The following SLC38A1 variants were observed in gnomAD, a reference collection of about 807,000 sequenced individuals.
SLC38A1 encodes solute carrier family 38 member 1.
SLC38A1 carries 18 observed loss-of-function variants against 60.3 expected under a neutral mutation model. The ratio of observed to expected loss-of-function variants is 0.30; its 90% CI spans 0.21 to 0.44. The LOEUF (loss-of-function observed/expected upper bound fraction) is 0.44, where lower values mean the gene tolerates loss of function less well. Ranked by LOEUF, SLC38A1 falls within the 20% of genes least tolerant of loss-of-function variation. SLC38A1 has a pLI of 1.00. For missense variants in SLC38A1, 448 were observed against 587.2 expected (o/e 0.76, Z 2.45); for synonymous variants, 196 against 212.1 (o/e 0.92, Z 0.66).
chr12:46,210,286 G>A (rs1291180239), intron 5 of SLC38A1, among the ~76,000 whole-genome samples: 1 of 152,162 alleles, frequency 6.6e-6, no homozygotes, highest in Admixed American at 6.5e-5. Flanking sequence ...GCAACCATGA[G>A]GAGATAAACC....
chr12:46,203,802 T>G (rs1939769406), intron 11 of SLC38A1, among the ~76,000 whole-genome samples: 1 of 152,186 alleles, frequency 6.6e-6, no homozygotes, highest in African/African-American at 2.4e-5. Flanking sequence ...GAATACTTAT[T>G]TTTACTCAAG....
chr12:46,214,306 G>A (rs1298295295), intron 5 of SLC38A1, among the ~76,000 whole-genome samples: 1 of 152,152 alleles, frequency 6.6e-6, no homozygotes, highest in African/African-American at 2.4e-5. Context: ...TGTCACAGTG[G>A]TCCTAGATAT....
At chr12:46,198,448 A>G (rs1320133576) in intron 14 of SLC38A1, among the ~76,000 whole-genome samples, 177 bp downstream of exon 14, 2 of 152,226 alleles carry the variant, frequency 1.3e-5, no homozygotes, top group East Asian at 3.8e-4. Flanking sequence ...TCCCTGACGC[A>G]CTGAATGCCA....
In SLC38A1 at chr12:46,206,927, C is replaced by T. The variant is rs534563936; in HGVS notation, c.563+228G>A. ...GCTCTGGGGAAAATGCAGTATCTAC[C>T]GCTCATAGCATGACAGACAAATCTA... On this transcript the variant is annotated intron_variant, in intron 8 of 16. Coordinates refer to ENST00000398637, the MANE Select transcript of SLC38A1 (RefSeq NM_030674.4). 1.8e-4 allele frequency among the ~76,000 whole-genome samples: 27 copies of T among 152,240 alleles called. No homozygotes were observed. The South Asian group carries it at 3.9e-3, about 22-fold the overall frequency.
intron 6 of SLC38A1, 124 bp downstream of exon 6, chr12:46,208,930 G>A: frequency 1.4e-6 from 1 of 704,712 alleles, no homozygotes; most frequent in Non-Finnish European, 2.4e-6. Context: ...AATCACTCTA[G>A]GTCAAAATAG....
At chr12:46,238,151 G>A (rs1045235566) in intron 3 of SLC38A1, among the ~76,000 whole-genome samples, 2 of 151,686 alleles carry the variant, frequency 1.3e-5, no homozygotes, top group Non-Finnish European at 2.9e-5. Context: ...ATATGTGGTA[G>A]CTTATGTAAA....
chr12:46,236,066 T>G (rs1310852645), intron 3 of SLC38A1, among the ~76,000 whole-genome samples: 1 of 152,226 alleles, frequency 6.6e-6, no homozygotes, highest in Non-Finnish European at 1.5e-5. Context: ...TTTCTCATAC[T>G]AAGAGGCTTA....
At chr12:46,215,728 C>T (rs1197510778) in intron 5 of SLC38A1, among the ~76,000 whole-genome samples, 1 of 152,180 alleles carries the variant, frequency 6.6e-6, no homozygotes. Flanking sequence ...CCATGTTTCA[C>T]TCCTTCCAAA....
chr12:46,256,443 G>C (rs1942024911), intron 1 of SLC38A1, among the ~76,000 whole-genome samples: 1 of 151,762 alleles, frequency 6.6e-6, no homozygotes, highest in African/African-American at 2.4e-5. Context: ...TAAATACATA[G>C]ACAAACAGAA....
At chr12:46,205,759 C>T (rs959703426) in intron 9 of SLC38A1, among the ~76,000 whole-genome samples, 9 of 152,178 alleles carry the variant, frequency 5.9e-5, no homozygotes, top group Admixed American at 2.0e-4. Context: ...TTTAAGACTT[C>T]GTATGAAGAG....
rs762810646 is a variant in SLC38A1, at chr12:46,214,672, A to AAAAC, written c.315-5549_315-5546dup. Among the ~76,000 whole-genome samples the AAAAC allele has an allele frequency of 3.3e-5, 5 of 152,356 alleles. 1 individual carries two copies. The highest frequency in any genetic ancestry group is 2.6e-4 in the Admixed American group (4 of 15,310). ...TTTTATTGTATATAAAGTATACCCCAAAACAAACAAACAAAAAAACAACCA... is the reference window on the plus strand; with the variant it reads ...TTTTATTGTATATAAAGTATACCCCAAAACAAACAAACAAACAAAAAAACAACCA... On this transcript the variant is annotated intron_variant, in intron 5 of 16. Coordinates refer to ENST00000398637, the MANE Select transcript of SLC38A1 (RefSeq NM_030674.4).
At chr12:46,215,343 G>T (rs1047054496) in intron 5 of SLC38A1, among the ~76,000 whole-genome samples, 1 of 152,144 alleles carries the variant, frequency 6.6e-6, no homozygotes, top group African/African-American at 2.4e-5. Context: ...TCATTGCTGT[G>T]GGATGCTGAC....
At chr12:46,250,591 T>A (rs1255632156) in intron 1 of SLC38A1, among the ~76,000 whole-genome samples, 2 of 152,122 alleles carry the variant, frequency 1.3e-5, no homozygotes, top group Admixed American at 6.6e-5. Context: ...AGAAAACCCC[T>A]TCATCTTAGC....
chr12:46,255,089 T>C (rs1393648249), intron 1 of SLC38A1, among the ~76,000 whole-genome samples: 1 of 152,270 alleles, frequency 6.6e-6, no homozygotes, highest in Non-Finnish European at 1.5e-5. Flanking sequence ...TTTTCTTCTA[T>C]TCTAATGTCA....
chr12:46,192,272 A>C (rs749575702), intron 16 of SLC38A1, among the ~76,000 whole-genome samples: 12 of 152,248 alleles, frequency 7.9e-5, no homozygotes, highest in Non-Finnish European at 1.6e-4. Context: ...CTTGCATCCC[A>C]GGGATGAAGC....
At chr12:46,208,592 C>A (rs1307734826) in intron 6 of SLC38A1, among the ~76,000 whole-genome samples, 3 of 152,150 alleles carry the variant, frequency 2.0e-5, no homozygotes, top group Non-Finnish European at 4.4e-5. Context: ...TTACACTGCC[C>A]AGAGTACTTG....
chr12:46,211,085 A>G (rs946382110), intron 5 of SLC38A1, among the ~76,000 whole-genome samples: 1 of 152,202 alleles, frequency 6.6e-6, no homozygotes, highest in Admixed American at 6.5e-5. Context: ...AAGTAAGATA[A>G]GCAATATTTA....
chr12:46,224,999 G>A (rs1409969917), intron 5 of SLC38A1, among the ~76,000 whole-genome samples: 2 of 152,092 alleles, frequency 1.3e-5, no homozygotes, highest in African/African-American at 4.8e-5. Context: ...TTGAATTCTA[G>A]GAATAGTAGA....
chr12:46,265,806 C>T (rs1051119090), intron 1 of SLC38A1, among the ~76,000 whole-genome samples: 5 of 152,204 alleles, frequency 3.3e-5, no homozygotes, highest in Non-Finnish European at 7.3e-5. Flanking sequence ...CTGGCTGTTT[C>T]ACTCTTAACC....
Sources: allele counts gnomAD v4.1 joint callset (sites outside exome capture counted in the v4.1 genomes callset), GRCh38; gene constraint gnomAD v4.1.1; transcripts MANE v1.5; gene names NCBI Gene and HGNC (gene_info 2026-07-23, HGNC 2026-07-21).